DSCAML1: variants seen among roughly 807,000 people sequenced by gnomAD.
DSCAML1 encodes DS cell adhesion molecule like 1.
A neutral mutation model predicts 200.5 loss-of-function variants in DSCAML1; 38 were observed. The observed-to-expected ratio is 0.19, with a 90% CI of 0.15 to 0.25. The LOEUF is 0.25. Ranked by LOEUF, DSCAML1 falls within the 10% of genes least tolerant of loss-of-function variation. DSCAML1 has a pLI of 1.00. For synonymous variants in DSCAML1, 1,215 were observed against 1,165.0 expected, an observed-to-expected ratio of 1.04 and a Z score of -0.87; for missense variants, 2,223 against 2,858.8, an observed-to-expected ratio of 0.78 and a Z score of 5.07.
chr11:117,437,525 G>T lies in DSCAML1; in HGVS notation c.4433-116C>A. 7.8e-7 allele frequency: 1 copy of T among 1,279,850 alleles called. No individual in the cohort carries two copies. The allele number at this position is 1,279,850 out of a possible 1,614,324, so 79.3% of individuals were successfully genotyped here. ...AGCTGGGATGGCAGTGGCTCCAGGAGAATACATGTTTGGCACAGATGGGGT... is the reference window on the plus strand; with the variant it reads ...AGCTGGGATGGCAGTGGCTCCAGGATAATACATGTTTGGCACAGATGGGGT... On this transcript the variant is annotated intron_variant, in intron 25 of 32. Transcript: ENST00000651296. The surrounding 1 kb of genome is among the most constrained non-coding windows in gnomAD (Gnocchi z 5.3).
chr11:117,745,095 G>A (rs2054494680), intron 3 of DSCAML1, among the ~76,000 whole-genome samples: 2 of 151,914 alleles, frequency 1.3e-5, no homozygotes, highest in South Asian at 4.2e-4. Context: ...CTTCCATTTT[G>A]TATGAAGTTC....
At chr11:117,561,065 G>T (rs1264095656) in intron 3 of DSCAML1, among the ~76,000 whole-genome samples, 1 of 152,190 alleles carries the variant, frequency 6.6e-6, no homozygotes, top group East Asian at 1.9e-4. Context: ...GGCTGCAGGG[G>T]CAGACCCCTC....
rs533915271 is a variant in DSCAML1 at position 117,673,138 on chromosome 11, C to A, written c.511+103653G>T. Among the ~76,000 whole-genome samples, 13 of 152,180 alleles carry A rather than the reference C, an allele frequency of 8.5e-5. 1 individual carries two copies. Among genetic ancestry groups the A allele is most frequent in the African/African-American group, 2.7e-4 (11 of 41,442 alleles). On this transcript the variant is annotated intron_variant, in intron 3 of 32. Transcript: ENST00000651296. Reference sequence around the variant, plus strand: ...ACCTTCTTCCAGCCGGTCAGCATGACGCCCTTGGCCCTTGCTGCCAGTCTA... The same window carrying A: ...ACCTTCTTCCAGCCGGTCAGCATGAAGCCCTTGGCCCTTGCTGCCAGTCTA...
chr11:117,537,362 C>G (rs557053), intron 3 of DSCAML1, among the ~76,000 whole-genome samples: 2 of 152,004 alleles, frequency 1.3e-5, no homozygotes, highest in Non-Finnish European at 2.9e-5. Context: ...CCATGGAAGG[C>G]GTGGCCGTCA....
intron 3 of DSCAML1, among the ~76,000 whole-genome samples, chr11:117,755,952 C>T (rs917956425): frequency 2.6e-5 from 4 of 152,108 alleles, no homozygotes; most frequent in East Asian, 1.9e-4. Context: ...GGGAGAAGGA[C>T]GGTTCTGCTG....
At chr11:117,576,013 C>T (rs77931561) in intron 3 of DSCAML1, among the ~76,000 whole-genome samples, 10,004 of 152,122 alleles carry the variant, frequency 0.066, 1,086 homozygotes, top group African/African-American at 0.22. Flanking sequence ...AATAGGATGC[C>T]AGAGCCCGAG....
At position 117,438,045 on chromosome 11, in the gene DSCAML1, ACTC is replaced by A; in HGVS notation, c.4279_4281del (p.Glu1427del). 6.2e-7 allele frequency: 1 copy of A among 1,612,746 alleles called. No homozygotes were observed. Among genetic ancestry groups the A allele is most frequent in the Non-Finnish European group, 8.5e-7 (1 of 1,179,606 alleles). Reference sequence around the variant, plus strand: ...CTGGAGCTGATGAACACATCCTTCCACTCCTCGCTGTTGTCCACCGAGTACTGT... The same window carrying A: ...CTGGAGCTGATGAACACATCCTTCCACTCGCTGTTGTCCACCGAGTACTGT... On this transcript the variant is annotated inframe_deletion, in exon 25 of 33. Transcript: ENST00000651296.
At chr11:117,816,540 G>A (rs2055808651) in intron 1 of DSCAML1, among the ~76,000 whole-genome samples, 1 of 152,228 alleles carries the variant, frequency 6.6e-6, no homozygotes, top group South Asian at 2.1e-4. Context: ...GATCAACAGG[G>A]AGGCGACTAA....
At chr11:117,763,016 T>C (rs918241594) in intron 3 of DSCAML1, among the ~76,000 whole-genome samples, 4 of 152,208 alleles carry the variant, frequency 2.6e-5, no homozygotes, top group African/African-American at 9.7e-5. Flanking sequence ...TTGCTTAAAC[T>C]CTGGGTATGC....
At chr11:117,606,958 G>C (rs150691446) in intron 3 of DSCAML1, among the ~76,000 whole-genome samples, 209 of 152,360 alleles carry the variant, frequency 1.4e-3, no homozygotes, top group African/African-American at 4.8e-3. Context: ...TAGCCAGGCA[G>C]AGTGCTAAGC....
chr11:117,811,632 C>T (rs980383502), intron 1 of DSCAML1, among the ~76,000 whole-genome samples: 7 of 152,200 alleles, frequency 4.6e-5, no homozygotes, highest in South Asian at 4.1e-4. Flanking sequence ...CCCATCTGCG[C>T]GGGACCCCAC....
intron 14 of DSCAML1, among the ~76,000 whole-genome samples, chr11:117,472,288 G>A (rs2048702158): frequency 6.6e-6 from 1 of 152,106 alleles, no homozygotes; most frequent in South Asian, 2.1e-4. Flanking sequence ...TCAGGCAGAG[G>A]TCGGACGAGA....
intron 3 of DSCAML1, among the ~76,000 whole-genome samples, chr11:117,598,020 T>C (rs2051395447): frequency 6.6e-6 from 1 of 152,036 alleles, no homozygotes. Context: ...TGATACAATA[T>C]ATATATTAAA....
chr11:117,730,073 C>T (rs2054195303), intron 3 of DSCAML1, among the ~76,000 whole-genome samples: 1 of 152,116 alleles, frequency 6.6e-6, no homozygotes, highest in Admixed American at 6.5e-5. Context: ...GTGGTGTGCG[C>T]CTGTAGCCCC....
At chr11:117,470,723 C>A (rs907250453) in intron 15 of DSCAML1, among the ~76,000 whole-genome samples, 2 of 152,146 alleles carry the variant, frequency 1.3e-5, no homozygotes, top group Non-Finnish European at 2.9e-5. Context: ...AAGCTACAAA[C>A]AATCTAAATG....
At chr11:117,663,870 C>T (rs2052917889) in intron 3 of DSCAML1, among the ~76,000 whole-genome samples, 2 of 152,280 alleles carry the variant, frequency 1.3e-5, no homozygotes, top group East Asian at 1.9e-4. Flanking sequence ...AACATCTTTC[C>T]CCGCTACATT....
At chr11:117,811,101 A>G (rs1254258191) in intron 1 of DSCAML1, among the ~76,000 whole-genome samples, 1 of 152,098 alleles carries the variant, frequency 6.6e-6, no homozygotes. Flanking sequence ...CCACCTGCCC[A>G]GCAATTTACT....
At chr11:117,637,020 G>T (rs1332993755) in intron 3 of DSCAML1, among the ~76,000 whole-genome samples, 1 of 152,034 alleles carries the variant, frequency 6.6e-6, no homozygotes, top group East Asian at 1.9e-4. Flanking sequence ...CAGCTGGTGG[G>T]GTCATGCTTT....
intron 16 of DSCAML1, 56 bp from the exon 17 acceptor site, chr11:117,465,238 C>G: frequency 6.3e-7 from 1 of 1,590,116 alleles, no homozygotes; most frequent in South Asian, 1.1e-5. Flanking sequence ...TGAGATGATG[C>G]TCTTAAAACC....
Sources: allele counts gnomAD v4.1 joint callset (sites outside exome capture counted in the v4.1 genomes callset), GRCh38; gene constraint gnomAD v4.1.1; non-coding constraint Gnocchi (gnomAD v3.1); transcripts MANE v1.5; gene names NCBI Gene and HGNC (gene_info 2026-07-23, HGNC 2026-07-21).